The following KDM4C variants were observed in gnomAD, a reference collection of about 807,000 sequenced individuals.
KDM4C encodes the protein lysine demethylase 4C, also known as lysine-specific demethylase 4C.
Under a neutral mutation model 129.3 loss-of-function variants are expected in KDM4C, and 81 were observed. That is an observed-to-expected ratio of 0.63 (90% CI 0.52 to 0.75). KDM4C has a LOEUF of 0.75. Among genes scored for constraint, KDM4C ranks in the 30% least tolerant of loss-of-function variants. The pLI, the probability that KDM4C is intolerant of heterozygous loss-of-function variation, is 0.00. For synonymous variants in KDM4C, 573 were observed against 456.1 expected (o/e 1.26, Z -3.26); for missense variants, 1,457 against 1,304.0 (o/e 1.12, Z -1.81).
chr9:6,845,711 T>C (rs930883629), intron 4 of KDM4C, among the ~76,000 whole-genome samples: 2 of 152,102 alleles, frequency 1.3e-5, no homozygotes, highest in African/African-American at 4.8e-5. Context: ...GTAATTGGCA[T>C]GAAAGGAGAA....
intron 5 of KDM4C, among the ~76,000 whole-genome samples, chr9:6,876,829 T>C (rs989860050): frequency 1.3e-5 from 2 of 152,164 alleles, no homozygotes; most frequent in African/African-American, 2.4e-5. Flanking sequence ...GTGAAGCTTT[T>C]GTTTAGCATT....
At chr9:7,060,454 G>A (rs10976013) in intron 17 of KDM4C, among the ~76,000 whole-genome samples, 45,397 of 126,774 alleles carry the variant, frequency 0.36, 8,325 homozygotes, top group Middle Eastern at 0.44. Context: ...CAGTATTGTT[G>A]TTATTATTAT....
chr9:7,114,223 C>A (rs902734816), intron 18 of KDM4C, among the ~76,000 whole-genome samples: 10 of 152,072 alleles, frequency 6.6e-5, no homozygotes, highest in Non-Finnish European at 1.2e-4. Flanking sequence ...TTGGGAAGCA[C>A]CTGTAAAATC....
intron 12 of KDM4C, among the ~76,000 whole-genome samples, chr9:6,991,855 G>A (rs1453472801): frequency 6.6e-6 from 1 of 152,096 alleles, no homozygotes; most frequent in East Asian, 1.9e-4. Context: ...GGGCAACTTG[G>A]GGAGACCCTG....
At chr9:6,969,007 G>C (rs1831476647) in intron 8 of KDM4C, among the ~76,000 whole-genome samples, 1 of 152,052 alleles carries the variant, frequency 6.6e-6, no homozygotes, top group African/African-American at 2.4e-5. Context: ...CATGATATTG[G>C]CTCACTGCAA....
At chr9:7,089,974 T>G (rs138103599) in intron 17 of KDM4C, among the ~76,000 whole-genome samples, 7 of 152,336 alleles carry the variant, frequency 4.6e-5, no homozygotes, top group Admixed American at 1.3e-4. Flanking sequence ...TGCCTGCCCA[T>G]GCCAGTGCAT....
chr9:6,759,883 G>C (rs1819046308), intron 1 of KDM4C, among the ~76,000 whole-genome samples: 1 of 150,780 alleles, frequency 6.6e-6, no homozygotes, highest in Admixed American at 6.6e-5. Context: ...GGAGGTTGCC[G>C]TGAGCCGAGA....
chr9:6,842,883 T>A (rs1837226576), intron 4 of KDM4C, among the ~76,000 whole-genome samples: 1 of 152,142 alleles, frequency 6.6e-6, no homozygotes, highest in African/African-American at 2.4e-5. Context: ...AAGTCCTGCT[T>A]TATTACTCAG....
At chr9:6,849,969 A>G (rs1470862199) in intron 5 of KDM4C, among the ~76,000 whole-genome samples, 2 of 152,246 alleles carry the variant, frequency 1.3e-5, no homozygotes, top group Admixed American at 6.5e-5. Flanking sequence ...TCCTGAGTTT[A>G]TAATGCAATT....
At chr9:7,135,323 A>G (rs1841081354) in intron 19 of KDM4C, among the ~76,000 whole-genome samples, 1 of 152,112 alleles carries the variant, frequency 6.6e-6, no homozygotes, top group Non-Finnish European at 1.5e-5. Context: ...TCTCAAGGTG[A>G]TTGGCATTGG....
chr9:6,742,202 G>C (rs1258246410), intron 1 of KDM4C, among the ~76,000 whole-genome samples: 1 of 150,746 alleles, frequency 6.6e-6, no homozygotes, highest in African/African-American at 2.5e-5. Flanking sequence ...TTTTAGTAGA[G>C]ATGGGGTTTC....
At chr9:7,141,120 A>G (rs1841698231) in intron 19 of KDM4C, among the ~76,000 whole-genome samples, 2 of 152,234 alleles carry the variant, frequency 1.3e-5, no homozygotes, top group South Asian at 2.1e-4. Context: ...GCAGAAGTCA[A>G]AGAGATTTGT....
intron 18 of KDM4C, among the ~76,000 whole-genome samples, chr9:7,112,158 A>G (rs894914718): frequency 2.6e-5 from 4 of 152,094 alleles, no homozygotes; most frequent in African/African-American, 9.7e-5. Context: ...AAGAAAGAAG[A>G]GTTTCTCATT....
chr9:6,807,953 C>T (rs536839944), intron 3 of KDM4C, among the ~76,000 whole-genome samples: 32 of 127,192 alleles, frequency 2.5e-4, no homozygotes, highest in African/African-American at 9.6e-4. Flanking sequence ...GGGGGTCAGC[C>T]CCCCGCCCGG....
intron 4 of KDM4C, chr9:6,835,396 G>T: frequency 8.9e-7 from 1 of 1,127,620 alleles, no homozygotes; most frequent in East Asian, 2.4e-5. Flanking sequence ...GATGCAGAAG[G>T]AGATCACCGC....
chr9:6,892,971 T>G, intron 7 of KDM4C, 124 bp from the exon 8 acceptor site: 1 of 638,512 alleles, frequency 1.6e-6, no homozygotes, highest in Non-Finnish European at 2.3e-6. Flanking sequence ...GTGGAACTCT[T>G]TTTGGTAGTG....
chr9:7,108,611 A>G (rs1179274724), intron 18 of KDM4C, among the ~76,000 whole-genome samples: 1 of 152,134 alleles, frequency 6.6e-6, no homozygotes, highest in African/African-American at 2.4e-5. Flanking sequence ...TCCTGTCCTC[A>G]TGAGGCATGG....
At chr9:7,148,277 C>T (rs1299372219) in intron 19 of KDM4C, among the ~76,000 whole-genome samples, 3 of 152,210 alleles carry the variant, frequency 2.0e-5, no homozygotes, top group Admixed American at 1.3e-4. Flanking sequence ...AAGGTCTGGG[C>T]TCCCAGAAGA....
At chr9:7,044,669 G>A (rs764427826) in intron 15 of KDM4C, among the ~76,000 whole-genome samples, 8 of 151,934 alleles carry the variant, frequency 5.3e-5, no homozygotes, top group Non-Finnish European at 1.0e-4. Context: ...TATGAGTTCA[G>A]TTTTGCATGT....
Sources: allele counts gnomAD v4.1 joint callset (sites outside exome capture counted in the v4.1 genomes callset), GRCh38; gene constraint gnomAD v4.1.1; transcripts MANE v1.5; gene names NCBI Gene and HGNC (gene_info 2026-07-23, HGNC 2026-07-21).